The following SLC15A5 variants were observed in gnomAD, a reference collection of about 807,000 sequenced individuals.
The protein encoded by SLC15A5 is solute carrier family 15 member 5.
In SLC15A5, 58 loss-of-function variants were observed where a neutral mutation model predicts 56.1. The ratio of observed to expected loss-of-function variants is 1.03; its 90% confidence interval spans 0.84 to 1.29. The LOEUF (loss-of-function observed/expected upper bound fraction) is 1.29. SLC15A5 is among the 50% of genes most tolerant of loss of function. The probability of loss-of-function intolerance (pLI) is 0.00; values close to 1 mark genes in which losing one functional copy is unlikely to be tolerated. For missense variants in SLC15A5, 681 were observed against 672.1 expected, an observed-to-expected ratio of 1.01 and a Z score of -0.15; for synonymous variants, 264 against 250.5, an observed-to-expected ratio of 1.05 and a Z score of -0.51.
chr12:16,239,756 C>T lies in SLC15A5; in HGVS notation c.1087G>A (p.Ala363Thr), dbSNP rs185384380. The change falls in exon 5 of 9, where the codon GCT (alanine) becomes ACT (threonine). Residue 363 changes from alanine (A) to threonine (T), a missense_variant. Transcript: ENST00000344941. ...GTGCTGAAATACTCCAGAAAAGGAG[C>T]CAGAATTAGTAATGGTAGGCTGCTG... ...AISSLPLLIL[A>T]PFLEYFSTCL... 1 of 1,537,218 alleles carries T rather than the reference C, an allele frequency of 6.5e-7. No individual in the cohort carries two copies. Among genetic ancestry groups the T allele is most frequent in the Non-Finnish European group, 8.7e-7 (1 of 1,146,896 alleles).
chr12:16,197,181 T>G (rs1266280429), intron 7 of SLC15A5, among the ~76,000 whole-genome samples: 1 of 152,178 alleles, frequency 6.6e-6, no homozygotes, highest in Non-Finnish European at 1.5e-5. Context: ...AAATATCATT[T>G]TTAGCATGTG....
chr12:16,193,791 G>C lies in SLC15A5; in HGVS notation c.1592+554C>G, dbSNP rs895918362. 5.5e-3 allele frequency among the ~76,000 whole-genome samples: 128 copies of C among 23,336 alleles called. 2 individuals carry two copies. The highest frequency in any genetic ancestry group is 0.03 in the African/African-American group (125 of 4,230). The allele number at this position is 23,336 out of a possible 152,430, so 15.3% of individuals were successfully genotyped here. A position where few individuals can be genotyped will look rare whatever the true frequency, so the allele number is the denominator to read the frequency against. ...AGAATATGTCAAGGGGAGAGAGAGAGAGAGAGAGAGAGAGAGAGAGAGAGA... is the reference window on the plus strand; with the variant it reads ...AGAATATGTCAAGGGGAGAGAGAGACAGAGAGAGAGAGAGAGAGAGAGAGA... On this transcript the variant is annotated intron_variant, in intron 8 of 8. Transcript: ENST00000344941.
rs143695159 is a variant in SLC15A5, at chr12:16,268,758, A to AT, written c.584+3802dup. Among the ~76,000 whole-genome samples, 854 of 152,112 alleles carry AT rather than the reference A, an allele frequency of 5.6e-3. 9 individuals carry two copies. Among genetic ancestry groups the AT allele is most frequent in the African/African-American group, 0.019 (807 of 41,508 alleles). ...CATTTCTTTTCAAAGGCATCACTAG[A>AT]TTTTCCTTATGGCTCTGGAGTTGTT... is the stretch of plus-strand genomic sequence containing the variant. On this transcript the variant is annotated intron_variant, in intron 2 of 8. Coordinates refer to ENST00000344941, the MANE Select transcript of SLC15A5 (RefSeq NM_001170798.1).
At position 16,268,331 on chromosome 12, in the gene SLC15A5, C is replaced by G. The variant is rs1191986705; in HGVS notation, c.584+4230G>C. ...GACGGAGGTTGCAGTGAGCTCAGAT[C>G]GCAAAGGTAAAGAAGGAAGTGCTTG... On this transcript the variant is annotated intron_variant, in intron 2 of 8. Transcript: ENST00000344941. 6.3e-5 allele frequency among the ~76,000 whole-genome samples: 3 copies of G among 47,708 alleles called. 1 individual carries two copies. The highest frequency in any genetic ancestry group is 2.6e-4 in the African/African-American group (3 of 11,516). 31.3% of individuals were successfully genotyped at this position (47,708 alleles called of 152,430 possible). A position where few individuals can be genotyped will look rare whatever the true frequency, so the allele number is the denominator to read the frequency against.
intron 5 of SLC15A5, among the ~76,000 whole-genome samples, chr12:16,224,871 T>TC (rs1410064998): frequency 7.8e-6 from 1 of 128,356 alleles, no homozygotes; most frequent in Admixed American, 7.9e-5. Context: ...ATGCTATTCC[T>TC]CCCCCCTCCC....
chr12:16,230,353 A>G (rs1864283988), intron 5 of SLC15A5, among the ~76,000 whole-genome samples: 1 of 152,160 alleles, frequency 6.6e-6, no homozygotes, highest in Non-Finnish European at 1.5e-5. Flanking sequence ...AACAAAAGAT[A>G]GAGTCTACAG....
chr12:16,244,443 TGAG>T (rs1864441850), intron 4 of SLC15A5, 134 bp downstream of exon 4: 2 of 761,420 alleles, frequency 2.6e-6, no homozygotes, highest in Admixed American at 2.2e-5. Context: ...CCTGTAATGA[TGAG>T]AAGTTTCTGT....
intron 5 of SLC15A5, among the ~76,000 whole-genome samples, chr12:16,229,661 C>A (rs1864276277): frequency 6.6e-6 from 1 of 151,568 alleles, no homozygotes; most frequent in Admixed American, 6.6e-5. Context: ...CACACACACA[C>A]ACACACACAC....
At chr12:16,252,368 C>T (rs925654436) in intron 3 of SLC15A5, among the ~76,000 whole-genome samples, 13 of 151,874 alleles carry the variant, frequency 8.6e-5, no homozygotes, top group Non-Finnish European at 1.5e-4. Flanking sequence ...GAAGGAAAAG[C>T]GCCTCTGTTC....
intron 7 of SLC15A5, 135 bp downstream of exon 7, chr12:16,216,758 T>C (rs2136246337): frequency 1.3e-6 from 1 of 753,018 alleles, no homozygotes; most frequent in Non-Finnish European, 2.0e-6. Context: ...TTTCCTATCT[T>C]AATTCTATCT....
chr12:16,208,514 T>C, intron 7 of SLC15A5, among the ~76,000 whole-genome samples: 1 of 152,064 alleles, frequency 6.6e-6, no homozygotes, highest in Middle Eastern at 3.4e-3. Flanking sequence ...TCTAAAACAA[T>C]GCAAAAAAAT....
At chr12:16,236,870 C>G (rs549414363) in intron 5 of SLC15A5, among the ~76,000 whole-genome samples, 38 of 152,242 alleles carry the variant, frequency 2.5e-4, no homozygotes, top group African/African-American at 8.9e-4. Context: ...ACATTAACTT[C>G]TATAATCTAA....
intron 1 of SLC15A5, 45 bp from the exon 2 acceptor site, chr12:16,272,828 T>A: frequency 6.8e-7 from 1 of 1,465,544 alleles, no homozygotes; most frequent in Non-Finnish European, 9.2e-7. Flanking sequence ...ATAGAACAAG[T>A]GGATCACCAA....
chr12:16,268,677 C>T (rs1864719145), intron 2 of SLC15A5, among the ~76,000 whole-genome samples: 1 of 152,052 alleles, frequency 6.6e-6, no homozygotes, highest in Non-Finnish European at 1.5e-5. Flanking sequence ...ATAAAATTGT[C>T]AGAAAGTTCC....
intron 5 of SLC15A5, among the ~76,000 whole-genome samples, chr12:16,229,649 C>T (rs1591649079): frequency 1.2e-5 from 1 of 80,564 alleles, no homozygotes; most frequent in Non-Finnish European, 2.8e-5. Flanking sequence ...CACACACATA[C>T]ACACACACAC....
chr12:16,211,044 A>G (rs1350276812), intron 7 of SLC15A5, among the ~76,000 whole-genome samples: 1 of 152,172 alleles, frequency 6.6e-6, no homozygotes, highest in African/African-American at 2.4e-5. Flanking sequence ...CCAGTTGACA[A>G]GTAGAGTGTG....
At chr12:16,257,016 A>G (rs1406030061) in intron 3 of SLC15A5, among the ~76,000 whole-genome samples, 7 of 152,100 alleles carry the variant, frequency 4.6e-5, no homozygotes, top group Admixed American at 2.6e-4. Context: ...TGAACAAACT[A>G]TAAAACAAAA....
At chr12:16,220,058 C>T (rs7311800) in intron 6 of SLC15A5, among the ~76,000 whole-genome samples, 2 of 151,872 alleles carry the variant, frequency 1.3e-5, no homozygotes, top group Admixed American at 1.3e-4. Flanking sequence ...TTTTTACTCT[C>T]GTTGTTCTTA....
chr12:16,212,266 A>G (rs1864091254), intron 7 of SLC15A5, among the ~76,000 whole-genome samples: 1 of 152,086 alleles, frequency 6.6e-6, no homozygotes, highest in Non-Finnish European at 1.5e-5. Flanking sequence ...CAAATATCTT[A>G]TTTAGTTTTA....
Sources: allele counts gnomAD v4.1 joint callset (sites outside exome capture counted in the v4.1 genomes callset), GRCh38; gene constraint gnomAD v4.1.1; transcripts MANE v1.5; gene names NCBI Gene and HGNC (gene_info 2026-07-23, HGNC 2026-07-21).